The following CNOT2 variants were observed in gnomAD, a reference collection of about 807,000 sequenced individuals.
CNOT2 encodes the protein CC chemokine receptor 4-negative regulator of transcription 2.
Under a neutral mutation model 72.1 loss-of-function variants are expected in CNOT2, and 7 were observed. That is an observed-to-expected ratio of 0.10 (90% CI 0.06 to 0.18). The LOEUF (loss-of-function observed/expected upper bound fraction) is 0.18. Ranked by LOEUF, CNOT2 falls within the 10% of genes least tolerant of loss-of-function variation. The probability of loss-of-function intolerance (pLI) is 1.00; values close to 1 mark genes in which losing one functional copy is unlikely to be tolerated. For synonymous variants in CNOT2, 196 were observed against 225.6 expected (o/e 0.87, Z 1.17); for missense variants, 345 against 660.3 (o/e 0.52, Z 5.23).
intron 2 of CNOT2, among the ~76,000 whole-genome samples, chr12:70,300,790 A>G (rs1364454313): frequency 3.3e-5 from 5 of 152,298 alleles, no homozygotes; most frequent in Middle Eastern, 3.4e-3. Flanking sequence ...GATGGCATTG[A>G]ATCTATAAAT....
intron 1 of CNOT2, among the ~76,000 whole-genome samples, chr12:70,277,485 C>T (rs1041459802): frequency 5.9e-5 from 9 of 151,960 alleles, no homozygotes; most frequent in African/African-American, 1.2e-4. Context: ...AAAGTGAATT[C>T]CCTATTGGAG....
chr12:70,303,108 GTC>G (rs1303185485), intron 2 of CNOT2, among the ~76,000 whole-genome samples: 12 of 132,364 alleles, frequency 9.1e-5, no homozygotes, highest in Non-Finnish European at 2.0e-4. Flanking sequence ...GCCTATGTGT[GTC>G]TCTGCACATG....
chr12:70,261,983 A>G (rs1958793163), intron 1 of CNOT2, among the ~76,000 whole-genome samples: 1 of 151,930 alleles, frequency 6.6e-6, no homozygotes, highest in Non-Finnish European at 1.5e-5. Context: ...TAGTTATTTA[A>G]TTTGTTAGTA....
intron 7 of CNOT2, among the ~76,000 whole-genome samples, chr12:70,334,144 T>C (rs12367086): frequency 0.04 from 6,037 of 152,102 alleles, 166 homozygotes; most frequent in Non-Finnish European, 0.06. Flanking sequence ...AAATTCCATC[T>C]TGGAGGACCT....
intron 3 of CNOT2, among the ~76,000 whole-genome samples, chr12:70,313,426 C>T (rs1472103085): frequency 6.6e-5 from 10 of 151,978 alleles, no homozygotes; most frequent in Non-Finnish European, 7.4e-5. Flanking sequence ...TTTTCGAGAT[C>T]ATACTTAGGA....
intron 7 of CNOT2, chr12:70,334,686 A>T (rs1030773029): frequency 6.6e-6 from 1 of 152,136 alleles, no homozygotes; most frequent in Non-Finnish European, 1.5e-5. Context: ...AAGTTGGGTT[A>T]AATTTTAATT....
chr12:70,336,383 C>T (rs1224772729), intron 8 of CNOT2: 1 of 152,090 alleles, frequency 6.6e-6, no homozygotes, highest in African/African-American at 2.4e-5. Flanking sequence ...TATGAAAATT[C>T]TGTGACAGCA....
At chr12:70,288,136 C>CTTTTTTTTT (rs68143994) in intron 2 of CNOT2, among the ~76,000 whole-genome samples, 6 of 86,664 alleles carry the variant, frequency 6.9e-5, no homozygotes, top group East Asian at 4.3e-4. Context: ...TGGTGTAGCT[C>CTTTTTTTTT]TTTTTTTTTT....
chr12:70,353,914 A>G lies in CNOT2; in HGVS notation c.1622A>G (p.Ter541=), dbSNP rs139438633. 1.5e-5 allele frequency: 3 copies of G among 197,138 alleles called. No homozygotes were observed. The highest frequency in any genetic ancestry group is 5.7e-5 in the African/African-American group (1 of 17,552). The allele number at this position is 197,138 out of a possible 1,614,324, so 12.2% of individuals were successfully genotyped here. The change falls in exon 16 of 16, where the codon TAA becomes TGA. Residue 541 remains the stop codon, a stop_retained_variant. Coordinates refer to ENST00000229195, the MANE Select transcript of CNOT2 (RefSeq NM_014515.7). The part of the protein sequence containing the change: ...FNYNPAQQAF[*] The stretch of plus-strand genomic sequence containing the variant: ...TACAACCCTGCTCAGCAAGCCTTCT[A>G]AAAAAAAAAAAAAAAAAAAAAAAAG...
intron 2 of CNOT2, among the ~76,000 whole-genome samples, chr12:70,309,663 T>G (rs191035005): frequency 6.6e-6 from 1 of 151,988 alleles, no homozygotes; most frequent in Non-Finnish European, 1.5e-5. Flanking sequence ...TTGAGATGAG[T>G]TTTCCCCAAA....
chr12:70,259,697 T>G (rs1181240168), intron 1 of CNOT2, among the ~76,000 whole-genome samples: 1 of 152,220 alleles, frequency 6.6e-6, no homozygotes, highest in African/African-American at 2.4e-5. Context: ...TGTTGGATAT[T>G]GTTTTGTTGG....
rs908187374 is a variant in CNOT2, at chr12:70,294,307, T to C, written c.48+16033T>C. ...AGAAGTTGCACAGGTAAGTATGTGG[T>C]GGGGAAAGCCGGGGGAAAAATGGTA... On this transcript the variant is annotated intron_variant, in intron 2 of 15. Transcript: ENST00000229195. The C allele has an allele frequency of 3.3e-5, 43 of 1,288,980 alleles. No individual in the cohort carries two copies. The African/African-American group carries it at 5.2e-4, about 15-fold the overall frequency. 79.8% of individuals were successfully genotyped at this position (1,288,980 alleles called of 1,614,324 possible).
intron 1 of CNOT2, among the ~76,000 whole-genome samples, chr12:70,252,907 T>C (rs552639716): frequency 5.9e-5 from 9 of 152,334 alleles, no homozygotes; most frequent in African/African-American, 1.9e-4. Flanking sequence ...AAAGAGGAGC[T>C]TCTGGGGTAT....
chr12:70,316,859 A>G (rs1018230064), intron 3 of CNOT2, among the ~76,000 whole-genome samples: 16 of 152,182 alleles, frequency 1.1e-4, no homozygotes, highest in Non-Finnish European at 7.4e-5. Flanking sequence ...GCATATCTGT[A>G]ACTCATGGAT....
At chr12:70,276,297 T>TAA (rs1229307927) in intron 1 of CNOT2, among the ~76,000 whole-genome samples, 1 of 152,002 alleles carries the variant, frequency 6.6e-6, no homozygotes, top group Non-Finnish European at 1.5e-5. Flanking sequence ...TCTTACCTGA[T>TAA]TATAGATTTC....
intron 1 of CNOT2, among the ~76,000 whole-genome samples, chr12:70,252,155 A>G (rs1033160826): frequency 6.6e-6 from 1 of 152,134 alleles, no homozygotes; most frequent in African/African-American, 2.4e-5. Context: ...CTTCTCTGAG[A>G]ATGTAGTTTC....
At chr12:70,316,663 C>A (rs1877391096) in intron 3 of CNOT2, among the ~76,000 whole-genome samples, 1 of 152,206 alleles carries the variant, frequency 6.6e-6, no homozygotes, top group Non-Finnish European at 1.5e-5. Context: ...GTTTACTAAC[C>A]ACCTTCATGT....
intron 4 of CNOT2, among the ~76,000 whole-genome samples, chr12:70,326,627 T>C (rs1313165669): frequency 6.6e-6 from 1 of 151,780 alleles, no homozygotes; most frequent in Non-Finnish European, 1.5e-5. Context: ...CTTAGTATAT[T>C]TAGTTTCCAA....
intron 3 of CNOT2, chr12:70,318,989 T>C (rs759067631): frequency 8.9e-5 from 17 of 190,722 alleles, no homozygotes; most frequent in Non-Finnish European, 1.6e-4. Flanking sequence ...TTATATACCA[T>C]GTCTATATAA....
Sources: allele counts gnomAD v4.1 joint callset (sites outside exome capture counted in the v4.1 genomes callset), GRCh38; gene constraint gnomAD v4.1.1; transcripts MANE v1.5; gene names NCBI Gene and HGNC (gene_info 2026-07-23, HGNC 2026-07-21).